Variants in SPON1 observed in about 807,000 individuals in gnomAD.
The protein encoded by SPON1 is spondin 1.
Under a neutral mutation model 111.7 loss-of-function variants are expected in SPON1, and 52 were observed. The observed-to-expected ratio is 0.47, with a 90% CI of 0.37 to 0.59. The LOEUF is 0.59. SPON1 is among the 20% of genes least tolerant of loss of function. The pLI, the probability that SPON1 is intolerant of heterozygous loss-of-function variation, is 0.00. For missense variants in SPON1, 957 were observed against 1,068.5 expected, an observed-to-expected ratio of 0.90 and a Z score of 1.46; for synonymous variants, 410 against 395.8, an observed-to-expected ratio of 1.04 and a Z score of -0.43.
chr11:14,043,083 A>G (rs1554917476), intron 3 of SPON1, among the ~76,000 whole-genome samples: 1 of 152,246 alleles, frequency 6.6e-6, no homozygotes, highest in African/African-American at 2.4e-5. Context: ...TGTCTATAGT[A>G]TCTAGTTAAA....
At chr11:14,167,204 G>T (rs115700238) in intron 6 of SPON1, among the ~76,000 whole-genome samples, 3 of 152,102 alleles carry the variant, frequency 2.0e-5, no homozygotes, top group African/African-American at 7.2e-5. Context: ...TACCAAATAA[G>T]CCAAATGTCA....
intron 6 of SPON1, among the ~76,000 whole-genome samples, chr11:14,215,809 C>G (rs1848620049): frequency 6.6e-6 from 1 of 152,214 alleles, no homozygotes; most frequent in Non-Finnish European, 1.5e-5. Context: ...GCAACACAGG[C>G]TGGTGGTCTA....
At chr11:14,169,089 A>G (rs1848067085) in intron 6 of SPON1, among the ~76,000 whole-genome samples, 1 of 152,196 alleles carries the variant, frequency 6.6e-6, no homozygotes, top group African/African-American at 2.4e-5. Context: ...TGACTTCCAC[A>G]ACGGTTGAAC....
At chr11:14,216,805 A>G (rs1377168169) in intron 6 of SPON1, among the ~76,000 whole-genome samples, 3 of 152,244 alleles carry the variant, frequency 2.0e-5, no homozygotes, top group Non-Finnish European at 4.4e-5. Flanking sequence ...TTAAGTTTCC[A>G]ACACATGAAT....
intron 6 of SPON1, among the ~76,000 whole-genome samples, chr11:14,208,503 T>C (rs1848539753): frequency 1.3e-5 from 2 of 152,342 alleles, no homozygotes; most frequent in South Asian, 2.1e-4. Context: ...CCCAGATGAA[T>C]CTTTTGATCA....
At chr11:13,975,506 G>C (rs1172460721) in intron 1 of SPON1, among the ~76,000 whole-genome samples, 1 of 152,198 alleles carries the variant, frequency 6.6e-6, no homozygotes, top group Non-Finnish European at 1.5e-5. Context: ...CTCATGGAGA[G>C]TACAGGTTAT....
chr11:14,001,816 C>G (rs145020624), intron 2 of SPON1, among the ~76,000 whole-genome samples: 1 of 151,766 alleles, frequency 6.6e-6, no homozygotes, highest in Admixed American at 6.6e-5. Context: ...ATGTAACATA[C>G]GTATAATGGG....
Position 14,135,370 on chromosome 11 carries a change from T to C in SPON1, c.677-50T>C. On this transcript the variant is annotated intron_variant, in intron 5 of 15. Transcript: ENST00000576479. The surrounding 1 kb of genome is among the most constrained non-coding windows in gnomAD (Gnocchi z 4.4). The stretch of plus-strand genomic sequence containing the variant: ...TCCTCCCCATCATTTAAGGGACTCG[T>C]GTTTCAGCCACAGCCATGCTGATAA... The C allele has an allele frequency of 6.3e-7, 1 of 1,580,104 alleles. No homozygotes were observed. Among genetic ancestry groups the C allele is most frequent in the Non-Finnish European group, 8.6e-7 (1 of 1,158,544 alleles).
rs16913527 is a variant in SPON1, at chr11:13,973,918, G to A, written c.239-8929G>A. ...TTTAAGTATGCATGATCTTCAGTTTGAGTGGGAGAAACTTCATCTCTGCCT... is the reference window on the plus strand; with the variant it reads ...TTTAAGTATGCATGATCTTCAGTTTAAGTGGGAGAAACTTCATCTCTGCCT... On this transcript the variant is annotated intron_variant, in intron 1 of 15. Coordinates refer to ENST00000576479, the MANE Select transcript of SPON1 (RefSeq NM_006108.4). Among the ~76,000 whole-genome samples the A allele has an allele frequency of 0.011, 1,726 of 152,308 alleles. 77 individuals carry two copies. The East Asian group carries it at 0.12, about 11-fold the overall frequency.
chr11:13,967,844 A>G (rs567635079), intron 1 of SPON1, among the ~76,000 whole-genome samples: 1 of 152,352 alleles, frequency 6.6e-6, no homozygotes, highest in Non-Finnish European at 1.5e-5. Context: ...TCAAACTGAT[A>G]ATAAAAATTA....
At chr11:14,044,489 G>A (rs782609931) in intron 3 of SPON1, among the ~76,000 whole-genome samples, 1 of 152,134 alleles carries the variant, frequency 6.6e-6, no homozygotes, top group Non-Finnish European at 1.5e-5. Flanking sequence ...GTGCGCACCT[G>A]TAGTCCCAGA....
At chr11:14,237,140 T>C (rs1252602177) in intron 6 of SPON1, among the ~76,000 whole-genome samples, 2 of 152,244 alleles carry the variant, frequency 1.3e-5, no homozygotes, top group Non-Finnish European at 2.9e-5. Context: ...ATGGCTCATT[T>C]CTTGCTACTC....
chr11:14,052,289 G>A (rs530071589), intron 3 of SPON1, among the ~76,000 whole-genome samples: 22 of 152,300 alleles, frequency 1.4e-4, no homozygotes, highest in South Asian at 8.3e-4. Context: ...TTGTAATTTC[G>A]TAGGGCTCAC....
intron 6 of SPON1, among the ~76,000 whole-genome samples, chr11:14,159,418 A>G (rs1459952459): frequency 6.6e-6 from 1 of 152,186 alleles, no homozygotes; most frequent in African/African-American, 2.4e-5. Flanking sequence ...GGGAACCCTC[A>G]TACACTGTTG....
chr11:14,157,845 T>A (rs1342520604), intron 6 of SPON1, among the ~76,000 whole-genome samples: 1 of 152,178 alleles, frequency 6.6e-6, no homozygotes, highest in Non-Finnish European at 1.5e-5. Flanking sequence ...GTTCTAGAAT[T>A]TTCATTTGAT....
chr11:13,968,825 T>C (rs1414557138), intron 1 of SPON1, among the ~76,000 whole-genome samples: 1 of 152,106 alleles, frequency 6.6e-6, no homozygotes, highest in Non-Finnish European at 1.5e-5. Context: ...TTGGCAAAAA[T>C]TCAGTCATGT....
intron 6 of SPON1, among the ~76,000 whole-genome samples, chr11:14,176,033 A>G (rs559250208): frequency 2.0e-5 from 3 of 152,210 alleles, no homozygotes; most frequent in South Asian, 4.1e-4. Flanking sequence ...GATCTACTCT[A>G]TGTGGGGACA....
chr11:14,065,734 T>G (rs1459942144), intron 3 of SPON1, among the ~76,000 whole-genome samples: 1 of 152,168 alleles, frequency 6.6e-6, no homozygotes, highest in Non-Finnish European at 1.5e-5. Context: ...CTTTGTGGGG[T>G]CAGGAACCCC....
Position 14,254,596 on chromosome 11 carries a change from T to C in SPON1, c.959T>C (p.Met320Thr), listed in dbSNP as rs782513717. The C allele has an allele frequency of 1.2e-6, 2 of 1,613,868 alleles. No homozygotes were observed. The highest frequency in any genetic ancestry group is 1.3e-5 in the African/African-American group (1 of 75,042). ...CATTTAATGTCCTTCCTGACCATGA[T>C]GGGCCCTAGTCCCGACTGGAACGTA... ...TRHLMSFLTM[M>T]GPSPDWNVGL... is the part of the protein sequence containing the mutation. The change falls in exon 8 of 16, where the codon ATG (methionine) becomes ACG (threonine). Residue 320 changes from methionine (M) to threonine (T), a missense_variant. Met to Thr is a moderately conservative substitution (Grantham distance 81). Around this residue, in one of 5 missense-constraint regions of SPON1, gnomAD observed 122 missense variants for 143.2 expected, o/e 0.85. Coordinates refer to ENST00000576479, the MANE Select transcript of SPON1 (RefSeq NM_006108.4).
Sources: allele counts gnomAD v4.1 joint callset (sites outside exome capture counted in the v4.1 genomes callset), GRCh38; gene constraint gnomAD v4.1.1; regional missense constraint gnomAD v4.1.1; non-coding constraint Gnocchi (gnomAD v3.1); transcripts MANE v1.5; gene names NCBI Gene and HGNC (gene_info 2026-07-23, HGNC 2026-07-21).